The following KLHL1 variants were observed in gnomAD, a reference collection of about 807,000 sequenced individuals.
KLHL1 encodes the protein kelch like family member 1.
Under a neutral mutation model 77.7 loss-of-function variants are expected in KLHL1, and 47 were observed. That is an observed-to-expected ratio of 0.60 (90% CI 0.48 to 0.77). The LOEUF (loss-of-function observed/expected upper bound fraction) is 0.77. KLHL1 is among the 30% of genes least tolerant of loss of function. The probability of loss-of-function intolerance (pLI) is 0.00; values close to 1 mark genes in which losing one functional copy is unlikely to be tolerated. For missense variants in KLHL1, 925 were observed against 910.8 expected (o/e 1.02, Z -0.20); for synonymous variants, 360 against 325.2 (o/e 1.11, Z -1.15).
intron 1 of KLHL1, among the ~76,000 whole-genome samples, chr13:70,096,523 A>G (rs1887793054): frequency 1.3e-5 from 2 of 152,050 alleles, no homozygotes; most frequent in South Asian, 2.1e-4. Flanking sequence ...ATCTTTGCCC[A>G]TTTTAAGTTA....
intron 1 of KLHL1, among the ~76,000 whole-genome samples, chr13:70,000,167 T>C (rs1454178950): frequency 2.0e-5 from 3 of 151,774 alleles, no homozygotes; most frequent in Non-Finnish European, 4.4e-5. Context: ...GACATGAAAT[T>C]ATAAAAAGGG....
At chr13:69,899,283 G>A (rs1881770529) in intron 4 of KLHL1, among the ~76,000 whole-genome samples, 1 of 152,160 alleles carries the variant, frequency 6.6e-6, no homozygotes, top group Non-Finnish European at 1.5e-5. Flanking sequence ...TCCCTGAAGT[G>A]TGCACAATAT....
intron 1 of KLHL1, among the ~76,000 whole-genome samples, chr13:70,060,353 T>G (rs9564642): frequency 0.3 from 45,351 of 152,038 alleles, 7,461 homozygotes; most frequent in East Asian, 0.68. Context: ...GAGAACAGTA[T>G]GCAGGTTCTG....
intron 3 of KLHL1, among the ~76,000 whole-genome samples, chr13:69,948,405 A>G (rs181539703): frequency 6.6e-6 from 1 of 152,208 alleles, no homozygotes; most frequent in East Asian, 1.9e-4. Context: ...TAACTCTATC[A>G]TTATGAAAGG....
chr13:70,031,558 T>A (rs1412770424), intron 1 of KLHL1, among the ~76,000 whole-genome samples: 1 of 152,150 alleles, frequency 6.6e-6, no homozygotes, highest in Non-Finnish European at 1.5e-5. Context: ...ACAAATGGGG[T>A]CTAAAATTGT....
At position 69,740,514 on chromosome 13, in the gene KLHL1, T is replaced by C. The variant is rs779537692; in HGVS notation, c.1682A>G (p.His561Arg). 2 of 1,612,912 alleles carry C rather than the reference T, an allele frequency of 1.2e-6. No individual in the cohort carries two copies. Residue 561 changes from histidine (H) to arginine (R), a missense_variant, in exon 8 of 11, where the codon CAT becomes CGT. Physicochemically the swap from His to Arg is conservative, Grantham distance 29. Transcript: ENST00000377844. ...TGTATTCAGATAGCTCCAGCCATCA[T>C]GGCCTCCCACAGCATAAATAGGGCC... ...LEGPIYAVGG[H>R]DGWSYLNTVE... is the part of the protein sequence containing the mutation.
intron 3 of KLHL1, among the ~76,000 whole-genome samples, chr13:69,951,628 T>G (rs1883714656): frequency 6.6e-6 from 1 of 151,508 alleles, no homozygotes; most frequent in Non-Finnish European, 1.5e-5. Flanking sequence ...CACTTCCTCT[T>G]TATTCTTGAG....
At chr13:69,942,421 C>T (rs538410028) in intron 3 of KLHL1, among the ~76,000 whole-genome samples, 3 of 151,920 alleles carry the variant, frequency 2.0e-5, no homozygotes, top group South Asian at 2.1e-4. Flanking sequence ...TATTTTTTAA[C>T]TTTGTGATGT....
chr13:69,931,534 C>A (rs1482183487), intron 4 of KLHL1, among the ~76,000 whole-genome samples: 1 of 151,728 alleles, frequency 6.6e-6, no homozygotes, highest in African/African-American at 2.4e-5. Context: ...TATTATCCAG[C>A]AATTTTCTAT....
chr13:70,019,869 G>A (rs1320203727), intron 1 of KLHL1, among the ~76,000 whole-genome samples: 3 of 152,090 alleles, frequency 2.0e-5, no homozygotes, highest in African/African-American at 7.2e-5. Flanking sequence ...TATGGCTTTT[G>A]GGAGGTGTTT....
intron 4 of KLHL1, among the ~76,000 whole-genome samples, chr13:69,925,179 C>T (rs891601204): frequency 6.6e-6 from 1 of 152,084 alleles, no homozygotes; most frequent in African/African-American, 2.4e-5. Flanking sequence ...TATCCCATAA[C>T]AGTATTATGG....
chr13:69,738,368 G>T (rs9542069), intron 8 of KLHL1, among the ~76,000 whole-genome samples: 2,315 of 152,180 alleles, frequency 0.015, 39 homozygotes, highest in Middle Eastern at 0.034. Flanking sequence ...CATGTCTCCA[G>T]CAAGTGCACA....
At chr13:69,837,492 T>C (rs1306239929) in intron 6 of KLHL1, among the ~76,000 whole-genome samples, 1 of 151,046 alleles carries the variant, frequency 6.6e-6, no homozygotes, top group Non-Finnish European at 1.5e-5. Flanking sequence ...TACCTATACT[T>C]AGGTACCTAG....
At chr13:69,787,737 G>T (rs1314328413) in intron 7 of KLHL1, among the ~76,000 whole-genome samples, 5 of 151,962 alleles carry the variant, frequency 3.3e-5, no homozygotes, top group Non-Finnish European at 7.4e-5. Flanking sequence ...TACAAAATGG[G>T]AGAAAATTTT....
chr13:69,845,868 T>A (rs1879439224), intron 5 of KLHL1, among the ~76,000 whole-genome samples: 1 of 151,366 alleles, frequency 6.6e-6, no homozygotes, highest in African/African-American at 2.4e-5. Flanking sequence ...CAAGATCCTA[T>A]GGGCTCAGAG....
At chr13:70,011,350 A>G (rs1044086905) in intron 1 of KLHL1, among the ~76,000 whole-genome samples, 4 of 152,206 alleles carry the variant, frequency 2.6e-5, no homozygotes, top group Non-Finnish European at 5.9e-5. Flanking sequence ...AAAATAAAAT[A>G]TGATTAATAT....
At chr13:69,852,410 C>T (rs768945489) in intron 5 of KLHL1, among the ~76,000 whole-genome samples, 12 of 151,924 alleles carry the variant, frequency 7.9e-5, no homozygotes, top group Non-Finnish European at 1.5e-4. Flanking sequence ...ATTGAAGAGA[C>T]AACATTCAGT....
intron 1 of KLHL1, among the ~76,000 whole-genome samples, chr13:70,068,370 C>CAA (rs747930110): frequency 3.5e-5 from 4 of 115,570 alleles, no homozygotes; most frequent in South Asian, 2.5e-4. Context: ...AAAACAAAAA[C>CAA]AAAAAAAAAG....
At chr13:69,802,584 A>C (rs1877432702) in intron 6 of KLHL1, among the ~76,000 whole-genome samples, 1 of 152,116 alleles carries the variant, frequency 6.6e-6, no homozygotes, top group South Asian at 2.1e-4. Context: ...CTAATCAGTT[A>C]TGTTATCTAT....
Sources: allele counts gnomAD v4.1 joint callset (sites outside exome capture counted in the v4.1 genomes callset), GRCh38; gene constraint gnomAD v4.1.1; transcripts MANE v1.5; gene names NCBI Gene and HGNC (gene_info 2026-07-23, HGNC 2026-07-21).